Variants in DACH1 observed in about 807,000 individuals in gnomAD.
DACH1 encodes dachshund family transcription factor 1.
In DACH1, 12 loss-of-function variants were observed where a neutral mutation model predicts 54.2. The observed-to-expected ratio is 0.22, with a 90% CI of 0.14 to 0.36. The LOEUF is 0.36. Ranked by LOEUF, DACH1 falls within the 10% of genes least tolerant of loss-of-function variation. The pLI is 1.00. For missense variants in DACH1, 805 were observed against 929.8 expected, an observed-to-expected ratio of 0.87 and a Z score of 1.75; for synonymous variants, 386 against 366.2, an observed-to-expected ratio of 1.05 and a Z score of -0.62.
At chr13:71,652,906 T>C (rs1216201980) in intron 2 of DACH1, among the ~76,000 whole-genome samples, 1 of 152,142 alleles carries the variant, frequency 6.6e-6, no homozygotes, top group East Asian at 1.9e-4. Flanking sequence ...TGTAGAAAAG[T>C]GGACCGCGAT....
chr13:71,489,217 G>T, intron 6 of DACH1, 69 bp from the exon 7 acceptor site: 1 of 1,514,698 alleles, frequency 6.6e-7, no homozygotes, highest in Non-Finnish European at 9.0e-7. Flanking sequence ...CTCAGTAATG[G>T]CTTCCCTAGT....
At chr13:71,668,900 G>A (rs929577993) in intron 2 of DACH1, among the ~76,000 whole-genome samples, 2 of 151,952 alleles carry the variant, frequency 1.3e-5, no homozygotes, top group Non-Finnish European at 2.9e-5. Context: ...ACTCCAGCCT[G>A]TACAACAAGA....
chr13:71,644,852 G>T (rs1878156137), intron 2 of DACH1, among the ~76,000 whole-genome samples: 3 of 152,162 alleles, frequency 2.0e-5, no homozygotes, highest in Non-Finnish European at 4.4e-5. Flanking sequence ...CAGCTGGAAG[G>T]CAATGAGTTC....
chr13:71,839,594 G>A (rs1888938173), intron 1 of DACH1, among the ~76,000 whole-genome samples: 1 of 152,172 alleles, frequency 6.6e-6, no homozygotes, highest in East Asian at 1.9e-4. Flanking sequence ...GCAACAGAGT[G>A]AGACTCCGTC....
chr13:71,848,721 C>G, intron 1 of DACH1, among the ~76,000 whole-genome samples: 1 of 152,030 alleles, frequency 6.6e-6, no homozygotes, highest in Non-Finnish European at 1.5e-5. Flanking sequence ...GGGGGGTTCT[C>G]ACTATGTTGC....
At chr13:71,531,766 G>A (rs1318487204) in intron 6 of DACH1, among the ~76,000 whole-genome samples, 10 of 151,940 alleles carry the variant, frequency 6.6e-5, no homozygotes, top group South Asian at 6.2e-4. Context: ...GTTTGTTTTC[G>A]GAAGTGTTGT....
intron 3 of DACH1, among the ~76,000 whole-genome samples, chr13:71,601,370 A>G (rs1044028863): frequency 3.3e-5 from 5 of 152,064 alleles, no homozygotes; most frequent in Admixed American, 6.6e-5. Context: ...CTTCAACAGG[A>G]AAACATGTAG....
intron 3 of DACH1, among the ~76,000 whole-genome samples, chr13:71,594,688 T>G (rs544192188): frequency 3.9e-5 from 6 of 152,262 alleles, no homozygotes; most frequent in Non-Finnish European, 8.8e-5. Flanking sequence ...TTTTTTCTCC[T>G]TAGGTCTTTC....
At chr13:71,725,924 A>ACCC (rs1883447755) in intron 1 of DACH1, among the ~76,000 whole-genome samples, 1 of 152,160 alleles carries the variant, frequency 6.6e-6, no homozygotes, top group East Asian at 1.9e-4. Context: ...TGCTCCACAA[A>ACCC]GTTATGTATT....
chr13:71,809,404 C>T (rs1017285292), intron 1 of DACH1, among the ~76,000 whole-genome samples: 8 of 152,062 alleles, frequency 5.3e-5, no homozygotes, highest in Admixed American at 5.2e-4. Flanking sequence ...CACCTGGGCT[C>T]AAGTGATCCT....
At chr13:71,521,098 G>T (rs573307833) in intron 6 of DACH1, among the ~76,000 whole-genome samples, 1 of 152,056 alleles carries the variant, frequency 6.6e-6, no homozygotes, top group East Asian at 1.9e-4. Context: ...AGACCTGACT[G>T]CTATCTATTA....
intron 10 of DACH1, among the ~76,000 whole-genome samples, chr13:71,473,989 CAATAT>C (rs2138169098): frequency 6.6e-6 from 1 of 152,254 alleles, no homozygotes; most frequent in South Asian, 2.1e-4. Flanking sequence ...AACACATACA[CAATAT>C]AATTGTGCTG....
intron 1 of DACH1, among the ~76,000 whole-genome samples, chr13:71,798,329 T>C (rs1214477199): frequency 1.7e-3 from 118 of 68,522 alleles, no homozygotes; most frequent in African/African-American, 6.6e-3. Flanking sequence ...CATACATATA[T>C]ATATATATAT....
chr13:71,509,880 A>C (rs1316784077), intron 6 of DACH1, among the ~76,000 whole-genome samples: 1 of 152,100 alleles, frequency 6.6e-6, no homozygotes, highest in Non-Finnish European at 1.5e-5. Flanking sequence ...TTCAAGAGTT[A>C]ACTATACTCT....
intron 1 of DACH1, among the ~76,000 whole-genome samples, chr13:71,735,378 G>GTGTATATGGGATATACAC (rs1884018489): frequency 4.6e-5 from 1 of 21,866 alleles, no homozygotes; most frequent in African/African-American, 1.9e-4. Flanking sequence ...CGGGATATAC[G>GTGTATATGGGATATACAC]TGTATATGGG....
At chr13:71,476,432 T>C (rs1029938427) in intron 8 of DACH1, among the ~76,000 whole-genome samples, 6 of 152,216 alleles carry the variant, frequency 3.9e-5, no homozygotes, top group South Asian at 2.1e-4. Flanking sequence ...TGTTAATGTA[T>C]AGAACAGAAA....
chr13:71,482,058 C>CAA (rs1476611840), intron 7 of DACH1, among the ~76,000 whole-genome samples: 1 of 152,130 alleles, frequency 6.6e-6, no homozygotes, highest in Non-Finnish European at 1.5e-5. Flanking sequence ...CGGTTAATGA[C>CAA]AAGTCTAATG....
chr13:71,759,851 T>C (rs1885327347), intron 1 of DACH1, among the ~76,000 whole-genome samples: 1 of 152,114 alleles, frequency 6.6e-6, no homozygotes, highest in African/African-American at 2.4e-5. Flanking sequence ...GTCAATAGTT[T>C]AGAAAGAGTT....
chr13:71,602,591 G>T lies in DACH1; in HGVS notation c.1126+27965C>A, dbSNP rs148632779. On this transcript the variant is annotated intron_variant, in intron 3 of 10. Coordinates refer to ENST00000613252, the MANE Select transcript of DACH1 (RefSeq NM_080759.6). ...CCATGAACCCAGCAACAAAAAGACA[G>T]AGCAGATGTTACTTCAGACGTGCTA... Among the ~76,000 whole-genome samples, 351 of 152,090 alleles carry T rather than the reference G, an allele frequency of 2.3e-3. 2 individuals are homozygous for T. The highest frequency in any genetic ancestry group is 7.9e-3 in the African/African-American group (328 of 41,514).
Sources: allele counts gnomAD v4.1 joint callset (sites outside exome capture counted in the v4.1 genomes callset), GRCh38; gene constraint gnomAD v4.1.1; transcripts MANE v1.5; gene names NCBI Gene and HGNC (gene_info 2026-07-23, HGNC 2026-07-21).